Variants in SNX24 observed in about 807,000 individuals in gnomAD.
The protein encoded by SNX24 is sorting nexin 24.
SNX24 carries 22 observed loss-of-function variants against 28.7 expected under a neutral mutation model. The ratio of observed to expected loss-of-function variants is 0.77; its 90% CI spans 0.55 to 1.10. The LOEUF (loss-of-function observed/expected upper bound fraction) is 1.10. Ranked by LOEUF, SNX24 falls within the 50% of genes least tolerant of loss-of-function variation. SNX24 has a pLI of 0.00. For synonymous variants in SNX24, 69 were observed against 71.5 expected, an observed-to-expected ratio of 0.96 and a Z score of 0.18; for missense variants, 221 against 201.1, an observed-to-expected ratio of 1.10 and a Z score of -0.60.
At chr5:122,986,034 A>G (rs556043966) in intron 3 of SNX24, among the ~76,000 whole-genome samples, 1 of 152,328 alleles carries the variant, frequency 6.6e-6, no homozygotes, top group South Asian at 2.1e-4. Context: ...GAATGAGTGG[A>G]AGAGGAGCTC....
At position 122,980,553 on chromosome 5, in the gene SNX24, C is replaced by T. The variant is rs77270583; in HGVS notation, c.250-19359C>T. Among the ~76,000 whole-genome samples, 310 of 151,994 alleles carry T rather than the reference C, an allele frequency of 2.0e-3. 1 individual carries two copies. Among genetic ancestry groups the T allele is most frequent in the African/African-American group, 7.1e-3 (294 of 41,440 alleles). On this transcript the variant is annotated intron_variant, in intron 3 of 6. Transcript: ENST00000261369. ...AGTTGCATTTCATATTTTTGACCTT[C>T]TCTTCTTCTAGTAGTAGAAAACTCA...
At chr5:122,961,773 G>A (rs765014237) in intron 3 of SNX24, among the ~76,000 whole-genome samples, 2 of 152,114 alleles carry the variant, frequency 1.3e-5, no homozygotes, top group Admixed American at 6.5e-5. Flanking sequence ...TTCAGATTCT[G>A]TTGTACATAC....
Position 122,903,602 on chromosome 5 carries a change from G to C in SNX24, c.61-33132G>C, listed in dbSNP as rs1249512535. On this transcript the variant is annotated intron_variant, in intron 1 of 6. Coordinates refer to ENST00000261369, the MANE Select transcript of SNX24 (RefSeq NM_014035.4). ...GCACACTGCTCAGCTCATCTTTGTTGCGTGAATGAAGACCCATGTTGAATG... is the reference window on the plus strand; with the variant it reads ...GCACACTGCTCAGCTCATCTTTGTTCCGTGAATGAAGACCCATGTTGAATG... 7.2e-5 allele frequency among the ~76,000 whole-genome samples: 11 copies of C among 152,242 alleles called. No individual in the cohort carries two copies. The East Asian group carries it at 2.1e-3, about 29-fold the overall frequency.
rs542859152 is a variant in SNX24 at position 122,864,727 on chromosome 5, G to A, written c.60+19034G>A. ...TGGTGCCAGCTGATCTATCAAGTGC[G>A]GGGTCTGCAAAATATCTTAAGCACT... On this transcript the variant is annotated intron_variant, in intron 1 of 6. Coordinates refer to ENST00000261369, the MANE Select transcript of SNX24 (RefSeq NM_014035.4). Among the ~76,000 whole-genome samples the A allele has an allele frequency of 9.2e-5, 14 of 152,312 alleles. 1 individual carries two copies. Among genetic ancestry groups the A allele is most frequent in the African/African-American group, 2.6e-4 (11 of 41,576 alleles).
chr5:123,022,306 G>C (rs1040805574), intron 5 of SNX24: 1 of 152,156 alleles, frequency 6.6e-6, no homozygotes, highest in African/African-American at 2.4e-5. Context: ...AATTTTTTTA[G>C]AATACAACTC....
At chr5:122,964,456 CA>C (rs1760631401) in intron 3 of SNX24, among the ~76,000 whole-genome samples, 1 of 151,784 alleles carries the variant, frequency 6.6e-6, no homozygotes, top group Non-Finnish European at 1.5e-5. Context: ...AATAGTGGCC[CA>C]TAATGTCAAA....
At chr5:122,919,906 C>G (rs896970371) in intron 1 of SNX24, among the ~76,000 whole-genome samples, 2 of 152,062 alleles carry the variant, frequency 1.3e-5, no homozygotes, top group Admixed American at 1.3e-4. Flanking sequence ...TAAAAGGGCC[C>G]AATTTATTTG....
intron 3 of SNX24, among the ~76,000 whole-genome samples, chr5:122,993,929 G>C (rs530448531): frequency 5.3e-5 from 8 of 152,318 alleles, no homozygotes; most frequent in Admixed American, 3.3e-4. Flanking sequence ...ATGGAATGGA[G>C]AAAGAGCTTA....
chr5:122,927,491 G>A (rs1422129641), intron 1 of SNX24, among the ~76,000 whole-genome samples: 1 of 152,022 alleles, frequency 6.6e-6, no homozygotes, highest in Non-Finnish European at 1.5e-5. Flanking sequence ...TTATTAATTG[G>A]GGAATGCCAG....
chr5:122,855,213 A>T (rs980996910), intron 1 of SNX24, among the ~76,000 whole-genome samples: 3 of 152,078 alleles, frequency 2.0e-5, no homozygotes, highest in Non-Finnish European at 2.9e-5. Flanking sequence ...CTGGGACTAC[A>T]GGTGCAGGCC....
chr5:122,865,541 G>A (rs775567977), intron 1 of SNX24, among the ~76,000 whole-genome samples: 8 of 152,194 alleles, frequency 5.3e-5, no homozygotes, highest in Non-Finnish European at 1.0e-4. Flanking sequence ...GTTTCATCAT[G>A]TTGGCCAGGC....
At chr5:123,009,598 A>ATGT (rs1762524081), downstream of SNX24, among the ~76,000 whole-genome samples, 3 of 152,224 alleles carry the variant, frequency 2.0e-5, no homozygotes, top group Admixed American at 2.0e-4. Flanking sequence ...ACCTCACAAG[A>ATGT]GTGGGAAAAC....
rs370896283 is a variant in SNX24 at position 122,917,289 on chromosome 5, C to T, written c.61-19445C>T. ...AAAAAAAGAAAGAAAAAAAAGACTG[C>T]TCCTCAACATCTCTCCTTGCTTCTG... On this transcript the variant is annotated intron_variant, in intron 1 of 6. Transcript: ENST00000261369. Among the ~76,000 whole-genome samples the T allele has an allele frequency of 1.4e-4, 21 of 151,860 alleles. 1 individual carries two copies. The highest frequency in any genetic ancestry group is 4.8e-4 in the African/African-American group (20 of 41,422).
In SNX24 at chr5:122,890,980, G is replaced by C. The variant is rs1018401613; in HGVS notation, c.60+45287G>C. On this transcript the variant is annotated intron_variant, in intron 1 of 6. Transcript: ENST00000261369. ...AAAGTAAAATTTAAATAGTATATAA[G>C]AGTATGAAGTGAAAACCCAAAGCCT... 44 of 1,398,772 alleles carry C rather than the reference G, an allele frequency of 3.1e-5. No individual in the cohort carries two copies. In the African/African-American group the frequency reaches 5.1e-4, roughly 16 times the overall value. 86.6% of individuals were successfully genotyped at this position (1,398,772 alleles called of 1,614,324 possible). A position where few individuals can be genotyped will look rare whatever the true frequency, so the allele number is the denominator to read the frequency against.
intron 3 of SNX24, among the ~76,000 whole-genome samples, chr5:122,971,602 G>T (rs1007930201): frequency 1.3e-5 from 2 of 152,060 alleles, no homozygotes; most frequent in Non-Finnish European, 2.9e-5. Flanking sequence ...TAACCTAAAT[G>T]TTATTACATA....
At chr5:122,996,246 CA>C (rs774588357) in intron 3 of SNX24, among the ~76,000 whole-genome samples, 1 of 152,156 alleles carries the variant, frequency 6.6e-6, no homozygotes, top group Non-Finnish European at 1.5e-5. Flanking sequence ...AAAACTGAAA[CA>C]AGAAGGCCAG....
In SNX24 at chr5:123,001,441, A is replaced by G. The variant is rs2150176257; in HGVS notation, c.377+4A>G. The G allele has an allele frequency of 1.9e-6, 3 of 1,598,164 alleles. No homozygotes were observed. In the South Asian group the frequency reaches 3.3e-5, roughly 18 times the overall value. ...AAACAGAGTCTGAAGAGTCAAGGTA[A>G]GGACTAATCCTCATCAGCCAGGAAT... On this transcript the variant is annotated splice_donor_region_variant and intron_variant, in intron 5 of 6. Coordinates refer to ENST00000261369, the MANE Select transcript of SNX24 (RefSeq NM_014035.4).
intron 1 of SNX24, among the ~76,000 whole-genome samples, chr5:122,909,487 G>GAT (rs1757787439): frequency 6.6e-6 from 1 of 152,218 alleles, no homozygotes; most frequent in Non-Finnish European, 1.5e-5. Context: ...CGTCTCCAAA[G>GAT]ATAAGTCCAG....
chr5:122,881,160 T>G (rs1204656610), intron 1 of SNX24, among the ~76,000 whole-genome samples: 1 of 152,134 alleles, frequency 6.6e-6, no homozygotes, highest in African/African-American at 2.4e-5. Context: ...GCAGAAAAAT[T>G]GGAGAATCAT....
Sources: allele counts gnomAD v4.1 joint callset (sites outside exome capture counted in the v4.1 genomes callset), GRCh38; gene constraint gnomAD v4.1.1; transcripts MANE v1.5; gene names NCBI Gene and HGNC (gene_info 2026-07-23, HGNC 2026-07-21).